Variants in UNC79 observed in about 807,000 individuals in gnomAD.
UNC79 encodes protein unc-79 homolog.
UNC79 carries 37 observed loss-of-function variants against 283.1 expected under a neutral mutation model. That is an observed-to-expected ratio of 0.13 (90% CI 0.10 to 0.17). The LOEUF is 0.17. UNC79 is among the 10% of genes least tolerant of loss of function. UNC79 has a pLI of 1.00. For synonymous variants in UNC79, 1,107 were observed against 1,200.2 expected, an observed-to-expected ratio of 0.92 and a Z score of 1.61; for missense variants, 2,272 against 3,211.1, an observed-to-expected ratio of 0.71 and a Z score of 7.07.
chr14:93,564,635 A>G (rs2062764571), intron 14 of UNC79, among the ~76,000 whole-genome samples: 1 of 152,182 alleles, frequency 6.6e-6, no homozygotes, highest in Admixed American at 6.5e-5. Flanking sequence ...AAGCTTTTTA[A>G]TCACCTGGGT....
chr14:93,417,466 A>G (rs1410766225), intron 1 of UNC79, among the ~76,000 whole-genome samples: 1 of 151,818 alleles, frequency 6.6e-6, no homozygotes, highest in African/African-American at 2.4e-5. Flanking sequence ...TTTTTCCTTC[A>G]TTTCAACTTT....
intron 29 of UNC79, among the ~76,000 whole-genome samples, chr14:93,619,779 C>T (rs2066990982): frequency 6.6e-6 from 1 of 152,172 alleles, no homozygotes; most frequent in African/African-American, 2.4e-5. Context: ...CTTGAATAAT[C>T]ATAATCGCAC....
Position 93,623,161 on chromosome 14 carries a change from A to G in UNC79, c.5608+320A>G, listed in dbSNP as rs75655191. Reference sequence around the variant, plus strand: ...GGTATCATCTCAGCCTTCCTCAAACAGCAAAAGTCATTAACTTGAACTCTT... The same window carrying G: ...GGTATCATCTCAGCCTTCCTCAAACGGCAAAAGTCATTAACTTGAACTCTT... On this transcript the variant is annotated intron_variant, in intron 30 of 48. Coordinates refer to ENST00000555664, the Ensembl canonical transcript of UNC79. Among the ~76,000 whole-genome samples the G allele has an allele frequency of 5.2e-3, 792 of 152,366 alleles. 4 individuals carry two copies. Among genetic ancestry groups the G allele is most frequent in the Middle Eastern group, 0.031 (9 of 294 alleles).
chr14:93,628,560 C>G (rs2067752718), intron 30 of UNC79, among the ~76,000 whole-genome samples: 1 of 152,122 alleles, frequency 6.6e-6, no homozygotes, highest in South Asian at 2.1e-4. Context: ...TCTGTCTCTC[C>G]CCTCCCAAAT....
chr14:93,586,537 G>C, intron 20 of UNC79, 59 bp from the exon 21 acceptor site: 1 of 1,431,810 alleles, frequency 7.0e-7, no homozygotes, highest in South Asian at 1.2e-5. Context: ...TTGATAAATT[G>C]ATGAATGATG....
chr14:93,437,540 T>C (rs1566935041), intron 1 of UNC79: 1 of 152,238 alleles, frequency 6.6e-6, no homozygotes, highest in Non-Finnish European at 1.5e-5. Flanking sequence ...TGTTTAACGC[T>C]GTATTAGTTT....
intron 4 of UNC79, among the ~76,000 whole-genome samples, chr14:93,487,123 T>C (rs552669825): frequency 1.9e-4 from 29 of 152,322 alleles, no homozygotes; most frequent in African/African-American, 6.0e-4. Flanking sequence ...TATGTGAAAA[T>C]TGAAAATCTT....
chr14:93,611,249 T>C (rs771951465), intron 26 of UNC79, among the ~76,000 whole-genome samples: 4 of 152,320 alleles, frequency 2.6e-5, no homozygotes, highest in East Asian at 1.9e-4. Context: ...CATGAACAGA[T>C]TGTATGAGGC....
chr14:93,599,066 T>C (rs557730235), intron 24 of UNC79, among the ~76,000 whole-genome samples: 24 of 152,362 alleles, frequency 1.6e-4, no homozygotes, highest in African/African-American at 5.8e-4. Flanking sequence ...AGTTCTGATC[T>C]ACTGTTTCTC....
intron 5 of UNC79, among the ~76,000 whole-genome samples, chr14:93,492,988 C>T (rs1375815728): frequency 1.3e-5 from 2 of 151,998 alleles, no homozygotes; most frequent in East Asian, 1.9e-4. Flanking sequence ...ATCGTATGGT[C>T]GGGTTGAGAG....
intron 26 of UNC79, among the ~76,000 whole-genome samples, chr14:93,608,120 G>A (rs1406227958): frequency 6.6e-6 from 1 of 152,138 alleles, no homozygotes; most frequent in African/African-American, 2.4e-5. Flanking sequence ...TCAGCCTCCC[G>A]AGTAGCTTGG....
intron 4 of UNC79, 22 bp downstream of exon 4, chr14:93,477,750 A>G: frequency 6.3e-7 from 1 of 1,594,058 alleles, no homozygotes; most frequent in Non-Finnish European, 8.5e-7. Flanking sequence ...CTTACCTAAT[A>G]CTAGATTATT....
intron 36 of UNC79, 21 bp downstream of exon 39, chr14:93,653,875 C>T (rs748003646): frequency 6.2e-7 from 1 of 1,614,060 alleles, no homozygotes. Context: ...CACTGAGGAT[C>T]CAGGCACCAC....
At chr14:93,610,865 C>T (rs1200072607) in intron 26 of UNC79, among the ~76,000 whole-genome samples, 1 of 152,152 alleles carries the variant, frequency 6.6e-6, no homozygotes, top group East Asian at 1.9e-4. Context: ...CCCACCTCGG[C>T]CTCCCAAAGT....
intron 35 of UNC79, 118 bp downstream of exon 38, chr14:93,646,764 C>G: frequency 1.9e-6 from 2 of 1,072,814 alleles, no homozygotes; most frequent in Non-Finnish European, 1.4e-6. Flanking sequence ...AATCTCAGCA[C>G]TTTGGGAGGC....
At chr14:93,622,949 A>G in intron 30 of UNC79, 108 bp downstream of exon 32, 1 of 1,398,950 alleles carries the variant, frequency 7.1e-7, no homozygotes, top group South Asian at 1.4e-5. Flanking sequence ...TTATAATGTC[A>G]GGGTGTGACA....
intron 32 of UNC79, among the ~76,000 whole-genome samples, chr14:93,637,550 G>GAGAGAAGACTAGAC (rs2068620764): frequency 6.6e-6 from 1 of 152,102 alleles, no homozygotes; most frequent in African/African-American, 2.4e-5. Context: ...ATATATATAT[G>GAGAGAAGACTAGAC]TTCAAGCCAT....
intron 37 of UNC79, 35 bp downstream of exon 40, chr14:93,654,060 C>G (rs778839768): frequency 6.3e-7 from 1 of 1,597,464 alleles, no homozygotes; most frequent in Non-Finnish European, 8.6e-7. Flanking sequence ...AAGCCCCAGC[C>G]GAAACTCTAA....
At chr14:93,655,903 C>T (rs2070882144) in intron 38 of UNC79, among the ~76,000 whole-genome samples, 1 of 152,180 alleles carries the variant, frequency 6.6e-6, no homozygotes, top group Non-Finnish European at 1.5e-5. Flanking sequence ...CAATTACCTA[C>T]CTGGAAATCT....
Sources: gnomAD v4.1 joint callset for allele counts (sites outside exome capture counted in the v4.1 genomes callset) on GRCh38, gnomAD v4.1.1 for gene constraint, MANE v1.5 for transcripts, NCBI Gene and HGNC (gene_info 2026-07-23, HGNC 2026-07-21) for gene names.